DCLK2: variants seen among roughly 807,000 people sequenced by gnomAD.
DCLK2 encodes serine/threonine-protein kinase DCLK2.
DCLK2 carries 31 observed loss-of-function variants against 78.4 expected under a neutral mutation model. The observed-to-expected ratio is 0.40, with a 90% CI of 0.30 to 0.53. The LOEUF (loss-of-function observed/expected upper bound fraction) is 0.53. Ranked by LOEUF, DCLK2 falls within the 20% of genes least tolerant of loss-of-function variation. DCLK2 has a pLI of 0.61. For synonymous variants in DCLK2, 407 were observed against 374.9 expected, an observed-to-expected ratio of 1.09 and a Z score of -0.99; for missense variants, 872 against 973.7, an observed-to-expected ratio of 0.90 and a Z score of 1.39.
At chr4:150,191,137 C>T (rs1184113185) in intron 2 of DCLK2, among the ~76,000 whole-genome samples, 1 of 151,930 alleles carries the variant, frequency 6.6e-6, no homozygotes, top group Non-Finnish European at 1.5e-5. Flanking sequence ...AAGGAACAAA[C>T]AAAAAACCCA....
intron 12 of DCLK2, among the ~76,000 whole-genome samples, chr4:150,241,415 G>T (rs1051887642): frequency 6.6e-6 from 1 of 152,128 alleles, no homozygotes; most frequent in Non-Finnish European, 1.5e-5. Context: ...TCCCCCTCTG[G>T]AGCAAATGAA....
At chr4:150,123,911 A>G (rs1732744419) in intron 2 of DCLK2, among the ~76,000 whole-genome samples, 1 of 152,014 alleles carries the variant, frequency 6.6e-6, no homozygotes, top group African/African-American at 2.4e-5. Flanking sequence ...GTGGTAGCAC[A>G]TGCTTGTAGT....
chr4:150,238,056 G>A (rs961853085), intron 10 of DCLK2, among the ~76,000 whole-genome samples: 19 of 151,924 alleles, frequency 1.3e-4, no homozygotes, highest in Non-Finnish European at 1.9e-4. Flanking sequence ...TATTTATCCC[G>A]TAGTTTTGCT....
In DCLK2 at chr4:150,239,778, C is replaced by T. The variant is rs769285381; in HGVS notation, c.1603C>T (p.Leu535=). The T allele has an allele frequency of 6.2e-6, 10 of 1,614,052 alleles. No individual in the cohort carries two copies. In the East Asian group the frequency reaches 8.9e-5, roughly 14 times the overall value. The change falls in exon 11 of 16, where the codon CTG becomes TTG. Residue 535 remains leucine, a synonymous_variant. Transcript: ENST00000296550. ...TCCTGATGGAACCAAGTCTTTGAAA[C>T]TGGGAGACTTTGGGCTTGCGACTGT... ...EYPDGTKSLK[L]GDFGLATVVE...
At chr4:150,203,757 T>C (rs765133700) in intron 4 of DCLK2, 38 bp from the exon 5 acceptor site, 2 of 1,545,782 alleles carry the variant, frequency 1.3e-6, no homozygotes, top group Non-Finnish European at 1.8e-6. Context: ...TTGTGGGTTT[T>C]AATGGGACTT....
At chr4:150,253,259 G>A (rs777196993) in intron 15 of DCLK2, 3 of 553,564 alleles carry the variant, frequency 5.4e-6, no homozygotes, top group Admixed American at 3.9e-5. Flanking sequence ...CTGGTTTTCT[G>A]CAGATACAAA....
intron 12 of DCLK2, among the ~76,000 whole-genome samples, chr4:150,241,657 T>C (rs1742937280): frequency 6.6e-6 from 1 of 152,234 alleles, no homozygotes; most frequent in African/African-American, 2.4e-5. Context: ...ATATACAGTG[T>C]GGCTTATAAA....
chr4:150,248,219 C>A, intron 13 of DCLK2, 86 bp from the exon 14 acceptor site: 1 of 1,197,052 alleles, frequency 8.4e-7, no homozygotes, highest in Non-Finnish European at 1.2e-6. Context: ...CTCTGAAGTG[C>A]TTGCCACAAA....
chr4:150,234,118 C>G (rs922121), intron 10 of DCLK2, among the ~76,000 whole-genome samples: 14,400 of 152,214 alleles, frequency 0.095, 1,162 homozygotes, highest in South Asian at 0.39. Context: ...CCTTACACCT[C>G]CATTGCTTCT....
intron 2 of DCLK2, among the ~76,000 whole-genome samples, chr4:150,158,947 G>A (rs1735513362): frequency 6.6e-6 from 1 of 152,126 alleles, no homozygotes; most frequent in South Asian, 2.1e-4. Context: ...GGGCTTACTG[G>A]AAGAATCATG....
Position 150,078,983 on chromosome 4 carries a change from G to C in DCLK2, c.-45G>C, listed in dbSNP as rs768520547. ...CCCTGCACCGGCGCTCGCACCCTTA[G>C]TCGGCCCGGAACGTCTTTTTGCGGA... On this transcript the variant is annotated 5_prime_UTR_variant, in exon 1 of 16. Coordinates refer to ENST00000296550, the MANE Select transcript of DCLK2 (RefSeq NM_001040260.4). The C allele has an allele frequency of 1.3e-6, 2 of 1,498,022 alleles. No homozygotes were observed. The highest frequency in any genetic ancestry group is 2.8e-5 in the African/African-American group (2 of 70,228). 92.8% of individuals were successfully genotyped at this position (1,498,022 alleles called of 1,614,324 possible). A position where few individuals can be genotyped will look rare whatever the true frequency, so the allele number is the denominator to read the frequency against.
intron 2 of DCLK2, among the ~76,000 whole-genome samples, chr4:150,177,507 T>C (rs1257511775): frequency 6.6e-6 from 1 of 152,198 alleles, no homozygotes; most frequent in Non-Finnish European, 1.5e-5. Context: ...TTATAACACA[T>C]ACACTAAATT....
intron 2 of DCLK2, among the ~76,000 whole-genome samples, chr4:150,152,441 C>A (rs538010221): frequency 6.6e-6 from 1 of 152,244 alleles, no homozygotes; most frequent in African/African-American, 2.4e-5. Context: ...ACCACCACAC[C>A]CAGCTAATTT....
chr4:150,104,944 A>G (rs1731154300), intron 2 of DCLK2, among the ~76,000 whole-genome samples: 1 of 152,168 alleles, frequency 6.6e-6, no homozygotes, highest in South Asian at 2.1e-4. Context: ...CTAGAATTTC[A>G]GTAAGAATCT....
Position 150,166,850 on chromosome 4 carries a change from C to T in DCLK2, c.757-26288C>T, listed in dbSNP as rs566795765. ...AGACAACGCTCAAAAAGCAGCACTT[C>T]TGACTTTTTTCAGATCCTTCTGAAT... On this transcript the variant is annotated intron_variant, in intron 2 of 15. Coordinates refer to ENST00000296550, the MANE Select transcript of DCLK2 (RefSeq NM_001040260.4). 5.3e-5 allele frequency among the ~76,000 whole-genome samples: 8 copies of T among 152,308 alleles called. No individual in the cohort carries two copies. The East Asian group carries it at 1.5e-3, about 29-fold the overall frequency.
chr4:150,197,337 C>T (rs768766643), intron 3 of DCLK2, among the ~76,000 whole-genome samples: 1 of 152,162 alleles, frequency 6.6e-6, no homozygotes, highest in Admixed American at 6.5e-5. Context: ...ATCAATACTA[C>T]TGATTTAAAA....
At chr4:150,231,064 T>C (rs2126566517) in intron 8 of DCLK2, among the ~76,000 whole-genome samples, 1 of 152,372 alleles carries the variant, frequency 6.6e-6, no homozygotes, top group Non-Finnish European at 1.5e-5. Flanking sequence ...ATAATTTTTA[T>C]TTTGAAGAAT....
At chr4:150,149,493 G>A (rs1276347660) in intron 2 of DCLK2, among the ~76,000 whole-genome samples, 1 of 152,092 alleles carries the variant, frequency 6.6e-6, no homozygotes, top group Non-Finnish European at 1.5e-5. Flanking sequence ...TTTCACAGAG[G>A]GAATAGAGAG....
Position 150,220,927 on chromosome 4 carries a change from C to G in DCLK2, c.1132+149C>G, listed in dbSNP as rs188045968. 261 of 559,340 alleles carry G rather than the reference C, an allele frequency of 4.7e-4. No homozygotes were observed. In the African/African-American group the frequency reaches 4.9e-3, roughly 10 times the overall value. 34.6% of individuals were successfully genotyped at this position (559,340 alleles called of 1,614,324 possible). Reference sequence around the variant, plus strand: ...CAGCCCCTTTGGCCTTAGTAAGAGGCGGGGATGGGGGTTACTTCAAGATAA... The same window carrying G: ...CAGCCCCTTTGGCCTTAGTAAGAGGGGGGGATGGGGGTTACTTCAAGATAA... On this transcript the variant is annotated intron_variant, in intron 6 of 15. Coordinates refer to ENST00000296550, the MANE Select transcript of DCLK2 (RefSeq NM_001040260.4).
Sources: allele counts gnomAD v4.1 joint callset (sites outside exome capture counted in the v4.1 genomes callset), GRCh38; gene constraint gnomAD v4.1.1; transcripts MANE v1.5; gene names NCBI Gene and HGNC (gene_info 2026-07-23, HGNC 2026-07-21).